The following CNTN4 variants were observed in gnomAD, a reference collection of about 807,000 sequenced individuals.
CNTN4 encodes contactin-4.
In CNTN4, 77 loss-of-function variants were observed where a neutral mutation model predicts 122.5. That is an observed-to-expected ratio of 0.63 (90% CI 0.52 to 0.76). The LOEUF (loss-of-function observed/expected upper bound fraction) is 0.76, where lower values mean the gene tolerates loss of function less well. CNTN4 is among the 30% of genes least tolerant of loss of function. CNTN4 has a pLI of 0.00. For synonymous variants in CNTN4, 512 were observed against 447.0 expected, an observed-to-expected ratio of 1.15 and a Z score of -1.83; for missense variants, 1,256 against 1,259.1, an observed-to-expected ratio of 1.00 and a Z score of 0.04.
intron 13 of CNTN4, among the ~76,000 whole-genome samples, chr3:2,938,247 G>A (rs1257395116): frequency 6.6e-6 from 1 of 151,722 alleles, no homozygotes; most frequent in Non-Finnish European, 1.5e-5. Context: ...GTATTTCATG[G>A]TTATCTTGTG....
chr3:2,936,901 C>T (rs1167225733), intron 13 of CNTN4, among the ~76,000 whole-genome samples: 3 of 152,196 alleles, frequency 2.0e-5, no homozygotes, highest in East Asian at 3.8e-4. Flanking sequence ...CACAGCCATA[C>T]TCATTCATTC....
At chr3:3,049,956 TACTC>T (rs1483595176) in intron 23 of CNTN4, among the ~76,000 whole-genome samples, 1 of 152,204 alleles carries the variant, frequency 6.6e-6, no homozygotes, top group Non-Finnish European at 1.5e-5. Context: ...TGTAGAGTCT[TACTC>T]AGGAACAGAA....
intron 3 of CNTN4, among the ~76,000 whole-genome samples, chr3:2,433,834 G>A (rs1216848049): frequency 6.6e-6 from 1 of 152,100 alleles, no homozygotes; most frequent in Non-Finnish European, 1.5e-5. Context: ...CATTCTACTT[G>A]CGAGTGTCTT....
At chr3:2,958,755 C>G (rs911019910) in intron 13 of CNTN4, among the ~76,000 whole-genome samples, 1 of 152,072 alleles carries the variant, frequency 6.6e-6, no homozygotes, top group Non-Finnish European at 1.5e-5. Context: ...GAGGTTCTTA[C>G]GTAATAAGTA....
At chr3:2,285,645 A>T (rs981390168) in intron 2 of CNTN4, among the ~76,000 whole-genome samples, 18 of 152,120 alleles carry the variant, frequency 1.2e-4, no homozygotes, top group Admixed American at 2.6e-4. Context: ...ACATTAAGAA[A>T]CTAGAAAAAT....
chr3:2,212,398 C>T (rs530359874), intron 2 of CNTN4, among the ~76,000 whole-genome samples: 1 of 152,188 alleles, frequency 6.6e-6, no homozygotes, highest in Non-Finnish European at 1.5e-5. Flanking sequence ...GTTTGATTAA[C>T]TCACAGTTCC....
intron 14 of CNTN4, among the ~76,000 whole-genome samples, chr3:3,002,596 G>C (rs751110756): frequency 3.9e-5 from 6 of 152,166 alleles, no homozygotes; most frequent in Non-Finnish European, 7.3e-5. Context: ...CTGAGGTCCT[G>C]TACATCTGGG....
chr3:2,125,919 GTGTGTGTGTA>G (rs1367117848), intron 2 of CNTN4, among the ~76,000 whole-genome samples: 4 of 151,272 alleles, frequency 2.6e-5, no homozygotes, highest in African/African-American at 7.3e-5. Context: ...GTGTGTGTGT[GTGTGTGTGTA>G]TGTGTGTATG....
chr3:2,982,465 A>G (rs927331942), intron 13 of CNTN4, among the ~76,000 whole-genome samples: 3 of 152,160 alleles, frequency 2.0e-5, no homozygotes, highest in African/African-American at 7.2e-5. Flanking sequence ...CAAAAATGTC[A>G]TAAGGTCTCT....
chr3:2,230,725 C>T (rs931816022), intron 2 of CNTN4, among the ~76,000 whole-genome samples: 1 of 152,246 alleles, frequency 6.6e-6, no homozygotes, highest in African/African-American at 2.4e-5. Context: ...TGGCTCACAT[C>T]TGTAATCCCA....
rs578101775 is a variant in CNTN4 at position 2,767,318 on chromosome 3, G to C, written c.358+21621G>C. The stretch of plus-strand genomic sequence containing the variant: ...AAGACTTTATTTCTTTTGTTATCAA[G>C]TGATTGGTGTGAGTGCACCCTTTTG... On this transcript the variant is annotated intron_variant, in intron 6 of 24. Coordinates refer to ENST00000418658, the MANE Select transcript of CNTN4 (RefSeq NM_175607.3). Among the ~76,000 whole-genome samples, 3 of 152,308 alleles carry C rather than the reference G, an allele frequency of 2.0e-5. No individual in the cohort carries two copies. In the South Asian group the frequency reaches 6.2e-4, roughly 32 times the overall value.
rs199969930 is a variant in CNTN4, at chr3:2,191,899, G to T, written c.-145+91260G>T. Reference sequence around the variant, plus strand: ...CCCCCCTCCCCCCACTCCACAACAGGCCCCAGTGTCTGATGTTCCCCTTCC... The same window carrying T: ...CCCCCCTCCCCCCACTCCACAACAGTCCCCAGTGTCTGATGTTCCCCTTCC... On this transcript the variant is annotated intron_variant, in intron 2 of 24. Transcript: ENST00000418658. Among the ~76,000 whole-genome samples the T allele has an allele frequency of 3.0e-4, 45 of 151,594 alleles. No individual in the cohort carries two copies. The East Asian group carries it at 5.8e-3, about 20-fold the overall frequency.
chr3:2,274,403 A>G (rs912380800), intron 2 of CNTN4, among the ~76,000 whole-genome samples: 1 of 151,148 alleles, frequency 6.6e-6, no homozygotes. Flanking sequence ...ACAAACAAAC[A>G]AACAAACAAC....
chr3:2,306,905 C>G lies in CNTN4; in HGVS notation c.-144-32273C>G, dbSNP rs2320386. On this transcript the variant is annotated intron_variant, in intron 2 of 24. Transcript: ENST00000418658. ...TATTTTAAATGAAATTTTTTTATTTCATGTTTGAATTGCTCATTGCTAGTG... is the reference window on the plus strand; with the variant it reads ...TATTTTAAATGAAATTTTTTTATTTGATGTTTGAATTGCTCATTGCTAGTG... 3.8e-4 allele frequency among the ~76,000 whole-genome samples: 57 copies of G among 151,442 alleles called. No homozygotes were observed. The East Asian group carries it at 0.011, about 28-fold the overall frequency.
chr3:2,366,892 T>A (rs2045401380), intron 3 of CNTN4, among the ~76,000 whole-genome samples: 1 of 152,074 alleles, frequency 6.6e-6, no homozygotes, highest in African/African-American at 2.4e-5. Context: ...GCTAAAAGAA[T>A]ACCACGTTTA....
intron 3 of CNTN4, among the ~76,000 whole-genome samples, chr3:2,392,126 G>C (rs1559512816): frequency 6.6e-6 from 1 of 152,174 alleles, no homozygotes; most frequent in Non-Finnish European, 1.5e-5. Context: ...TGCTAAATCA[G>C]ATCCTGCCAC....
At chr3:2,126,284 A>G (rs568421484) in intron 2 of CNTN4, among the ~76,000 whole-genome samples, 2 of 152,256 alleles carry the variant, frequency 1.3e-5, no homozygotes, top group African/African-American at 2.4e-5. Flanking sequence ...TAGCTCCTTA[A>G]GATAATGGAC....
intron 10 of CNTN4, among the ~76,000 whole-genome samples, chr3:2,892,444 A>T (rs773070447): frequency 2.1e-4 from 32 of 152,250 alleles, no homozygotes; most frequent in Non-Finnish European, 5.9e-5. Flanking sequence ...GAAAGCTAAC[A>T]GCTTACTGTC....
In CNTN4 at chr3:2,560,771, A is replaced by C. The variant is rs549669055; in HGVS notation, c.-88-10645A>C. 4.6e-5 allele frequency among the ~76,000 whole-genome samples: 7 copies of C among 152,288 alleles called. No homozygotes were observed. The South Asian group carries it at 1.0e-3, about 23-fold the overall frequency. On this transcript the variant is annotated intron_variant, in intron 3 of 24. Transcript: ENST00000418658. ...TTATCTTCCCCCAGTAGAGTAAAAT[A>C]ATCTCCATGAGGGAAGACCCTGTCT... is the stretch of plus-strand genomic sequence containing the variant.
Sources: gnomAD v4.1 joint callset for allele counts (sites outside exome capture counted in the v4.1 genomes callset) on GRCh38, gnomAD v4.1.1 for gene constraint, MANE v1.5 for transcripts, NCBI Gene and HGNC (gene_info 2026-07-23, HGNC 2026-07-21) for gene names.